Variants in RASSF3 observed in about 807,000 individuals in gnomAD.
RASSF3 encodes ras association domain-containing protein 3.
A neutral mutation model predicts 19.9 loss-of-function variants in RASSF3; 19 were observed. That is an observed-to-expected ratio of 0.96 (90% CI 0.67 to 1.40). RASSF3 has a LOEUF of 1.40. Among genes scored for constraint, RASSF3 ranks in the 40% most tolerant of loss-of-function variants. RASSF3 has a pLI of 0.00. For missense variants in RASSF3, 306 were observed against 289.8 expected (o/e 1.06, Z -0.41); for synonymous variants, 110 against 104.2 (o/e 1.06, Z -0.34).
Position 64,649,067 on chromosome 12 carries a change from T to G in RASSF3, c.112-35720T>G, listed in dbSNP as rs558914214. 3.3e-5 allele frequency among the ~76,000 whole-genome samples: 5 copies of G among 151,896 alleles called. 1 individual carries two copies. The highest frequency in any genetic ancestry group is 7.4e-5 in the Non-Finnish European group (5 of 67,930). ...CAAGCGATCCTCCTGCCTTGGCCTCTCAGGGTGCTGGGATTAAAGTAAAGG... is the reference window on the plus strand; with the variant it reads ...CAAGCGATCCTCCTGCCTTGGCCTCGCAGGGTGCTGGGATTAAAGTAAAGG... On this transcript the variant is annotated intron_variant, in intron 1 of 4. Coordinates refer to ENST00000542104, the MANE Select transcript of RASSF3 (RefSeq NM_178169.4).
At chr12:64,691,801 C>A (rs963843800) in intron 4 of RASSF3, among the ~76,000 whole-genome samples, 7 of 114,094 alleles carry the variant, frequency 6.1e-5, no homozygotes, top group African/African-American at 2.0e-4. Flanking sequence ...CTCTCACAAC[C>A]TTATATTATT....
At chr12:64,688,812 A>C (rs527339161) in intron 3 of RASSF3, among the ~76,000 whole-genome samples, 2 of 152,274 alleles carry the variant, frequency 1.3e-5, no homozygotes, top group African/African-American at 4.8e-5. Context: ...TGAAGTTTTC[A>C]ATAGCACATT....
At chr12:64,617,755 C>T (rs1201983096) in intron 1 of RASSF3, among the ~76,000 whole-genome samples, 3 of 152,100 alleles carry the variant, frequency 2.0e-5, no homozygotes, top group Non-Finnish European at 4.4e-5. Context: ...GATGGGGTTT[C>T]ACCATATTGG....
intron 2 of RASSF3, among the ~76,000 whole-genome samples, chr12:64,553,701 G>A (rs529418134): frequency 6.6e-6 from 1 of 152,294 alleles, no homozygotes; most frequent in Admixed American, 6.5e-5. Flanking sequence ...TCTGGACTGA[G>A]TGCAGTGGCT....
In RASSF3 at chr12:64,675,049, C is replaced by CT. The variant is rs201531200; in HGVS notation, c.112-9738_112-9737insT. Among the ~76,000 whole-genome samples the CT allele has an allele frequency of 2.0e-4, 23 of 115,682 alleles. 1 individual carries two copies. The East Asian group carries it at 3.9e-3, about 20-fold the overall frequency. The allele number at this position is 115,682 out of a possible 152,430, so 75.9% of individuals were successfully genotyped here. On this transcript the variant is annotated intron_variant, in intron 1 of 4. Coordinates refer to ENST00000542104, the MANE Select transcript of RASSF3 (RefSeq NM_178169.4). Reference sequence around the variant, plus strand: ...GTTGTCTAAAATACCCACCTAGCCCCCCCCCCCCCCGCCACCCCGGCTTCT... The same window carrying CT: ...GTTGTCTAAAATACCCACCTAGCCCCTCCCCCCCCCCGCCACCCCGGCTTCT...
downstream of RASSF3, among the ~76,000 whole-genome samples, chr12:64,542,497 C>G (rs1456984860): frequency 6.6e-6 from 1 of 152,196 alleles, no homozygotes; most frequent in Admixed American, 6.5e-5. Flanking sequence ...GCTGAGAGAC[C>G]AGAAGGGAAG....
At chr12:64,669,753 G>A (rs1339083795) in intron 1 of RASSF3, among the ~76,000 whole-genome samples, 3 of 151,786 alleles carry the variant, frequency 2.0e-5, no homozygotes, top group African/African-American at 4.8e-5. Flanking sequence ...AGGTGGAGCG[G>A]GAGGCCCTTT....
At chr12:64,627,660 T>A (rs1277762520) in intron 1 of RASSF3, among the ~76,000 whole-genome samples, 1 of 152,204 alleles carries the variant, frequency 6.6e-6, no homozygotes, top group Non-Finnish European at 1.5e-5. Context: ...GCAAAGGCAC[T>A]AAAATGAGTT....
At chr12:64,516,600 C>A in intron 1 of RASSF3, among the ~76,000 whole-genome samples, 1 of 128,912 alleles carries the variant, frequency 7.8e-6, no homozygotes. Flanking sequence ...GCCTGGGCGA[C>A]AGAGCGAGAC....
chr12:64,590,388 T>C (rs1869899623), intron 2 of RASSF3, among the ~76,000 whole-genome samples: 1 of 152,182 alleles, frequency 6.6e-6, no homozygotes, highest in East Asian at 1.9e-4. Context: ...ACCACTGTGT[T>C]CTACCATGTT....
chr12:64,553,605 C>T (rs184511766), intron 2 of RASSF3, among the ~76,000 whole-genome samples: 3 of 152,226 alleles, frequency 2.0e-5, no homozygotes, highest in African/African-American at 7.2e-5. Context: ...ACTTCCTTTC[C>T]AATCAGGCTT....
chr12:64,634,751 A>T (rs1201480850), intron 1 of RASSF3, among the ~76,000 whole-genome samples: 2 of 128,682 alleles, frequency 1.6e-5, no homozygotes, highest in African/African-American at 6.2e-5. Context: ...ACACAGCGAG[A>T]CACCATCTCA....
At chr12:64,589,176 G>A (rs892832377) in intron 2 of RASSF3, among the ~76,000 whole-genome samples, 1 of 152,236 alleles carries the variant, frequency 6.6e-6, no homozygotes, top group East Asian at 1.9e-4. Context: ...TAGGCCAGGC[G>A]CAGTGGCTCA....
chr12:64,556,483 G>C (rs1869258150), intron 2 of RASSF3, among the ~76,000 whole-genome samples: 1 of 152,102 alleles, frequency 6.6e-6, no homozygotes, highest in South Asian at 2.1e-4. Context: ...CTATAAAAGA[G>C]CCTGCCCCTG....
At chr12:64,645,139 G>A (rs905389541) in intron 1 of RASSF3, among the ~76,000 whole-genome samples, 2 of 152,174 alleles carry the variant, frequency 1.3e-5, no homozygotes, top group Non-Finnish European at 2.9e-5. Context: ...TTGAACACCT[G>A]CCAGGTTGTG....
intron 3 of RASSF3, among the ~76,000 whole-genome samples, chr12:64,689,028 G>A (rs1473088575): frequency 6.6e-6 from 1 of 152,146 alleles, no homozygotes; most frequent in Non-Finnish European, 1.5e-5. Context: ...CTCATCAAAT[G>A]AGTGAATAAC....
intron 1 of RASSF3, among the ~76,000 whole-genome samples, chr12:64,523,089 T>C (rs1868512005): frequency 6.6e-6 from 1 of 152,170 alleles, no homozygotes; most frequent in Non-Finnish European, 1.5e-5. Flanking sequence ...TCTGGAATGC[T>C]TTCTCTGTTG....
At chr12:64,554,019 G>A (rs181119404) in intron 2 of RASSF3, among the ~76,000 whole-genome samples, 1 of 151,764 alleles carries the variant, frequency 6.6e-6, no homozygotes, top group Admixed American at 6.6e-5. Context: ...GTTGTCTGGG[G>A]CATGGTTAGG....
chr12:64,570,769 T>C (rs975116569), intron 2 of RASSF3, among the ~76,000 whole-genome samples: 78 of 152,150 alleles, frequency 5.1e-4, no homozygotes, highest in African/African-American at 1.9e-3. Flanking sequence ...GTTGCAGCAT[T>C]TCTCACGAGC....
Sources: allele counts gnomAD v4.1 joint callset (sites outside exome capture counted in the v4.1 genomes callset), GRCh38; gene constraint gnomAD v4.1.1; transcripts MANE v1.5; gene names NCBI Gene and HGNC (gene_info 2026-07-23, HGNC 2026-07-21).